The following GPHN variants were observed in gnomAD, a reference collection of about 807,000 sequenced individuals.
The protein encoded by GPHN is gephyrin.
GPHN carries 17 observed loss-of-function variants against 95.5 expected under a neutral mutation model. That is an observed-to-expected ratio of 0.18 (90% CI 0.12 to 0.27). The LOEUF is 0.27. GPHN is among the 10% of genes least tolerant of loss of function. The pLI, the probability that GPHN is intolerant of heterozygous loss-of-function variation, is 1.00. For missense variants in GPHN, 660 were observed against 978.1 expected, an observed-to-expected ratio of 0.67 and a Z score of 4.34; for synonymous variants, 320 against 322.5, an observed-to-expected ratio of 0.99 and a Z score of 0.08.
At chr14:67,727,672 A>G in the GPHN span, 7 of 207,620 alleles carry the variant, frequency 3.4e-5, no homozygotes, top group Non-Finnish European at 6.8e-5. Context: ...AGAAGAGACG[A>G]GCTTTCACCA....
chr14:67,235,022 G>A, the GPHN span, among the ~76,000 whole-genome samples: 1 of 151,934 alleles, frequency 6.6e-6, no homozygotes, highest in Admixed American at 6.5e-5. Flanking sequence ...TGAGCATGGT[G>A]GCACACACCT....
Position 67,037,515 on chromosome 14 carries a change from C to T in GPHN, c.1006+13840C>T, listed in dbSNP as rs910666269. On this transcript the variant is annotated intron_variant, in intron 10 of 22. Coordinates refer to ENST00000478722, the MANE Select transcript of GPHN (RefSeq NM_020806.5). ...AATCAGCAGAGTAAAATGGCAACAA[C>T]AGAATGGGAAAAAATAATTGCAAAT... Among the ~76,000 whole-genome samples, 3 of 151,714 alleles carry T rather than the reference C, an allele frequency of 2.0e-5. No individual in the cohort carries two copies. In the East Asian group the frequency reaches 5.8e-4, roughly 29 times the overall value.
At chr14:67,633,693 G>A in the GPHN span, among the ~76,000 whole-genome samples, 1 of 152,178 alleles carries the variant, frequency 6.6e-6, no homozygotes, top group Admixed American at 6.5e-5. Flanking sequence ...AACCACGGTT[G>A]TTCCCCACCA....
intron 1 of GPHN, among the ~76,000 whole-genome samples, chr14:66,531,860 T>C (rs7155944): frequency 0.31 from 47,348 of 152,150 alleles, 11,206 homozygotes; most frequent in African/African-American, 0.64. Context: ...TTCAAAACTT[T>C]TTTAGTAAAA....
chr14:66,878,520 G>GA (rs2063775933), intron 4 of GPHN, among the ~76,000 whole-genome samples: 1 of 151,794 alleles, frequency 6.6e-6, no homozygotes, highest in Non-Finnish European at 1.5e-5. Context: ...AAATTTACAA[G>GA]AAAAAAACAA....
At chr14:66,825,288 AC>A (rs1159527301) in intron 4 of GPHN, among the ~76,000 whole-genome samples, 1 of 151,498 alleles carries the variant, frequency 6.6e-6, no homozygotes, top group Non-Finnish European at 1.5e-5. Flanking sequence ...TACCTACCCA[AC>A]CCCCCAAAAG....
intron 1 of GPHN, among the ~76,000 whole-genome samples, chr14:66,666,022 G>C (rs986657370): frequency 6.9e-6 from 1 of 145,856 alleles, no homozygotes; most frequent in Non-Finnish European, 1.5e-5. Context: ...AACACCGCAT[G>C]TTCTCACTCA....
chr14:67,507,447 G>A, the GPHN span, among the ~76,000 whole-genome samples: 1 of 152,044 alleles, frequency 6.6e-6, no homozygotes, highest in African/African-American at 2.4e-5. Context: ...AAGAATCCTG[G>A]ACTGAAGCAG....
chr14:66,702,175 G>A (rs1222024866), intron 2 of GPHN, among the ~76,000 whole-genome samples: 4 of 152,306 alleles, frequency 2.6e-5, no homozygotes, highest in South Asian at 2.1e-4. Context: ...GGAAGGAGTC[G>A]CCACAGTCTC....
At chr14:66,605,723 G>A (rs918362646) in intron 1 of GPHN, among the ~76,000 whole-genome samples, 6 of 151,784 alleles carry the variant, frequency 4.0e-5, no homozygotes, top group African/African-American at 1.2e-4. Flanking sequence ...TAGTAGAGAC[G>A]GGGTTTCACT....
chr14:67,154,041 A>T (rs1355191467), intron 18 of GPHN, among the ~76,000 whole-genome samples: 2 of 152,248 alleles, frequency 1.3e-5, no homozygotes, highest in Non-Finnish European at 2.9e-5. Context: ...TTTAGCAAAT[A>T]TATAAGCATC....
the GPHN span, chr14:67,364,056 G>T: frequency 6.6e-6 from 1 of 152,120 alleles, no homozygotes; most frequent in Admixed American, 6.6e-5. Flanking sequence ...CTTGAACTTT[G>T]TAGTAATGGA....
At chr14:67,019,387 A>G (rs2153622996) in intron 9 of GPHN, among the ~76,000 whole-genome samples, 1 of 152,268 alleles carries the variant, frequency 6.6e-6, no homozygotes, top group Admixed American at 6.5e-5. Context: ...TCCTTCAAAG[A>G]AGATGACTTA....
the GPHN span, among the ~76,000 whole-genome samples, chr14:67,708,493 T>A: frequency 6.6e-6 from 1 of 152,114 alleles, no homozygotes; most frequent in African/African-American, 2.4e-5. Flanking sequence ...CAATTGTCTG[T>A]GGATGATGAA....
At chr14:67,527,376 T>C in the GPHN span, among the ~76,000 whole-genome samples, 1 of 152,132 alleles carries the variant, frequency 6.6e-6, no homozygotes, top group Non-Finnish European at 1.5e-5. Context: ...AGCCGGAGGT[T>C]GCAGTGAGCC....
At chr14:66,790,877 T>A (rs1268786845) in intron 3 of GPHN, among the ~76,000 whole-genome samples, 1 of 152,208 alleles carries the variant, frequency 6.6e-6, no homozygotes, top group Non-Finnish European at 1.5e-5. Context: ...GCTCTCCATG[T>A]CCCATAATTT....
intron 9 of GPHN, among the ~76,000 whole-genome samples, chr14:67,001,554 G>C (rs1284248781): frequency 6.6e-6 from 1 of 151,470 alleles, no homozygotes; most frequent in Non-Finnish European, 1.5e-5. Flanking sequence ...AAATCTTCTA[G>C]TTATCTTTTA....
chr14:66,572,604 C>T (rs769545065), intron 1 of GPHN, among the ~76,000 whole-genome samples: 12 of 150,116 alleles, frequency 8.0e-5, no homozygotes, highest in South Asian at 2.1e-4. Context: ...GATATTTGTA[C>T]GTGGTTTTGG....
At chr14:67,184,617 A>G (rs2083359686), downstream of GPHN, among the ~76,000 whole-genome samples, 1 of 152,190 alleles carries the variant, frequency 6.6e-6, no homozygotes, top group African/African-American at 2.4e-5. Context: ...AAACGTTAAT[A>G]AAAAGAAGGA....
Sources: gnomAD v4.1 joint callset for allele counts (sites outside exome capture counted in the v4.1 genomes callset) on GRCh38, gnomAD v4.1.1 for gene constraint, MANE v1.5 for transcripts, NCBI Gene and HGNC (gene_info 2026-07-23, HGNC 2026-07-21) for gene names.